CNOT4: variants seen among roughly 807,000 people sequenced by gnomAD.
The protein encoded by CNOT4 is CCR4-NOT transcription complex subunit 4.
Under a neutral mutation model 73.8 loss-of-function variants are expected in CNOT4, and 8 were observed. The ratio of observed to expected loss-of-function variants is 0.11; its 90% CI spans 0.06 to 0.20. CNOT4 has a LOEUF of 0.20. Among genes scored for constraint, CNOT4 ranks in the 10% least tolerant of loss-of-function variants. The pLI is 1.00. For synonymous variants in CNOT4, 293 were observed against 321.1 expected, an observed-to-expected ratio of 0.91 and a Z score of 0.94; for missense variants, 564 against 883.4, an observed-to-expected ratio of 0.64 and a Z score of 4.58.
intron 2 of CNOT4, among the ~76,000 whole-genome samples, chr7:135,437,455 C>G (rs770013535): frequency 9.9e-5 from 15 of 152,178 alleles, no homozygotes; most frequent in African/African-American, 2.7e-4. Flanking sequence ...TCCCAAAGTG[C>G]TGGGATTACA....
At chr7:135,408,534 T>A (rs777683046) in intron 7 of CNOT4, among the ~76,000 whole-genome samples, 1 of 152,218 alleles carries the variant, frequency 6.6e-6, no homozygotes, top group African/African-American at 2.4e-5. Context: ...CATGCATTCA[T>A]CTTCCAACCT....
intron 2 of CNOT4, 91 bp downstream of exon 2, chr7:135,438,067 A>C: frequency 2.9e-6 from 2 of 682,098 alleles, no homozygotes; most frequent in Non-Finnish European, 5.2e-6. Context: ...TGAGGTTTGC[A>C]CAGTCTTTTA....
At chr7:135,399,227 G>C (rs1262791404) in intron 7 of CNOT4, among the ~76,000 whole-genome samples, 2 of 152,032 alleles carry the variant, frequency 1.3e-5, no homozygotes, top group Non-Finnish European at 2.9e-5. Context: ...GCATTGATAG[G>C]TGATTTTGTC....
At chr7:135,498,252 G>T (rs1044263902) in intron 1 of CNOT4, among the ~76,000 whole-genome samples, 2 of 152,138 alleles carry the variant, frequency 1.3e-5, no homozygotes, top group Admixed American at 1.3e-4. Flanking sequence ...AAAAAGTTAT[G>T]TATAATTAAT....
intron 7 of CNOT4, among the ~76,000 whole-genome samples, chr7:135,409,541 A>C (rs1351245948): frequency 6.6e-6 from 1 of 152,132 alleles, no homozygotes; most frequent in Non-Finnish European, 1.5e-5. Context: ...TTTTGAAGAA[A>C]TGGACTCAAA....
chr7:135,503,990 A>C (rs1288767243), intron 1 of CNOT4, among the ~76,000 whole-genome samples: 3 of 152,218 alleles, frequency 2.0e-5, no homozygotes, highest in African/African-American at 7.2e-5. Flanking sequence ...CCAATGTTCA[A>C]TAACACAAAT....
At chr7:135,447,623 G>A (rs1055973666) in intron 1 of CNOT4, among the ~76,000 whole-genome samples, 5 of 152,140 alleles carry the variant, frequency 3.3e-5, no homozygotes, top group Non-Finnish European at 5.9e-5. Flanking sequence ...AATTTAACAT[G>A]TCCCCAGAGA....
At chr7:135,388,291 A>G in intron 10 of CNOT4, 7 of 985,298 alleles carry the variant, frequency 7.1e-6, no homozygotes, top group Non-Finnish European at 7.2e-6. Context: ...ACAATCGCCA[A>G]CAATATCCTT....
At chr7:135,464,024 CAAAAAAAA>C (rs747402254) in intron 1 of CNOT4, among the ~76,000 whole-genome samples, 4 of 109,638 alleles carry the variant, frequency 3.6e-5, no homozygotes, top group Admixed American at 1.0e-4. Context: ...ATTAAAAAGT[CAAAAAAAA>C]AAAAAAAACA....
At chr7:135,473,440 C>A (rs1412922283) in intron 1 of CNOT4, among the ~76,000 whole-genome samples, 1 of 152,062 alleles carries the variant, frequency 6.6e-6, no homozygotes, top group African/African-American at 2.4e-5. Context: ...TAAAGCATTA[C>A]TAATTTGGCA....
At chr7:135,429,970 G>A (rs934941953) in intron 2 of CNOT4, among the ~76,000 whole-genome samples, 1 of 152,210 alleles carries the variant, frequency 6.6e-6, no homozygotes, top group African/African-American at 2.4e-5. Flanking sequence ...ATACCACAAA[G>A]ATGGAGTTAG....
Position 135,363,918 on chromosome 7 carries a change from A to C in CNOT4, c.1776T>G (p.Thr592=), listed in dbSNP as rs1256992210. 1.0e-5 allele frequency: 16 copies of C among 1,596,978 alleles called. No individual in the cohort carries two copies. The highest frequency in any genetic ancestry group is 1.2e-5 in the Non-Finnish European group (14 of 1,178,906). ...CCCAACTCAGGCTGTCGGTGGTGGCAGTGTTGGACGTTGGTGCACTGTGGT... is the reference window on the plus strand; with the variant it reads ...CCCAACTCAGGCTGTCGGTGGTGGCCGTGTTGGACGTTGGTGCACTGTGGT... The part of the protein sequence containing the change: ...NANHSAPTSN[T]ATTDSLSWDS... Residue 592 remains threonine, a synonymous_variant, in exon 11 of 12, where the codon ACT becomes ACG. Coordinates refer to ENST00000541284, the MANE Select transcript of CNOT4 (RefSeq NM_001190850.2). This position sits in a 1 kb window ranked among gnomAD's most constrained non-coding sequence, Gnocchi z 4.3.
intron 3 of CNOT4, among the ~76,000 whole-genome samples, chr7:135,418,497 A>T (rs1468667866): frequency 6.6e-6 from 1 of 152,248 alleles, no homozygotes; most frequent in Non-Finnish European, 1.5e-5. Flanking sequence ...TCAAGTATTC[A>T]TAGATACTAC....
At chr7:135,425,659 C>T (rs984583023) in intron 2 of CNOT4, among the ~76,000 whole-genome samples, 2 of 152,072 alleles carry the variant, frequency 1.3e-5, no homozygotes, top group Admixed American at 6.6e-5. Flanking sequence ...TATTCCAGTA[C>T]CTTAAAAGAA....
chr7:135,474,413 T>C (rs182534668), intron 1 of CNOT4, among the ~76,000 whole-genome samples: 5 of 151,444 alleles, frequency 3.3e-5, no homozygotes, highest in Admixed American at 2.0e-4. Flanking sequence ...GCCTCCCAAG[T>C]AGCTAGAACT....
intron 1 of CNOT4, chr7:135,509,294 C>G (rs551021571): frequency 6.6e-6 from 1 of 152,364 alleles, no homozygotes; most frequent in Non-Finnish European, 1.5e-5. Context: ...GACTGCAAAT[C>G]GGAAGCAGCT....
At chr7:135,423,044 G>A (rs1449619638) in intron 2 of CNOT4, among the ~76,000 whole-genome samples, 1 of 152,136 alleles carries the variant, frequency 6.6e-6, no homozygotes, top group Admixed American at 6.5e-5. Context: ...CGTCTCATCT[G>A]TAAAATGGAA....
At chr7:135,506,769 A>T (rs1001294437) in intron 1 of CNOT4, among the ~76,000 whole-genome samples, 1 of 151,882 alleles carries the variant, frequency 6.6e-6, no homozygotes, top group African/African-American at 2.4e-5. Context: ...AATCGCTTGA[A>T]CCTGGGAGGC....
intron 2 of CNOT4, among the ~76,000 whole-genome samples, chr7:135,436,413 G>C (rs2129485255): frequency 6.6e-6 from 1 of 151,670 alleles, no homozygotes; most frequent in East Asian, 1.9e-4. Flanking sequence ...ACAATCCTTA[G>C]AGTCTTGGGC....
Sources: allele counts gnomAD v4.1 joint callset (sites outside exome capture counted in the v4.1 genomes callset), GRCh38; gene constraint gnomAD v4.1.1; non-coding constraint Gnocchi (gnomAD v3.1); transcripts MANE v1.5; gene names NCBI Gene and HGNC (gene_info 2026-07-23, HGNC 2026-07-21).